MYH7B: variants seen among roughly 807,000 people sequenced by gnomAD.
MYH7B encodes the protein myosin-7B.
In MYH7B, 205 loss-of-function variants were observed where a neutral mutation model predicts 234.5. The observed-to-expected ratio is 0.87, with a 90% confidence interval of 0.78 to 0.98. The LOEUF (loss-of-function observed/expected upper bound fraction) is 0.98. Ranked by LOEUF, MYH7B falls within the 50% of genes least tolerant of loss-of-function variation. MYH7B has a pLI of 0.00. For synonymous variants in MYH7B, 1,193 were observed against 1,105.0 expected (o/e 1.08, Z -1.58); for missense variants, 2,652 against 2,633.4 (o/e 1.01, Z -0.15).
chr20:34,961,602 T>A (rs2081698293), intron 2 of MYH7B, among the ~76,000 whole-genome samples: 1 of 152,328 alleles, frequency 6.6e-6, no homozygotes, highest in African/African-American at 2.4e-5. Flanking sequence ...CCAGAATATT[T>A]TCATCACCAC....
chr20:34,993,552 A>G, intron 26 of MYH7B, 82 bp downstream of exon 26: 1 of 1,364,402 alleles, frequency 7.3e-7, no homozygotes, highest in African/African-American at 1.5e-5. Flanking sequence ...CAACCCTAAC[A>G]TGCTGCCCTG....
intron 3 of MYH7B, among the ~76,000 whole-genome samples, chr20:34,977,269 A>G (rs545833308): frequency 5.9e-5 from 9 of 152,094 alleles, no homozygotes; most frequent in East Asian, 1.9e-4. Context: ...AGCTGGTCCA[A>G]TCTCAGTAGG....
At chr20:34,989,637 C>G in intron 19 of MYH7B, 103 bp from the exon 20 acceptor site, 1 of 1,170,922 alleles carries the variant, frequency 8.5e-7, no homozygotes, top group South Asian at 1.6e-5. Context: ...AGCTGGGGAT[C>G]TGGGAAGGCT....
exon 17 of MYH7B, chr20:34,987,626 G>A (rs774415161): frequency 3.7e-6 from 6 of 1,613,974 alleles, no homozygotes; most frequent in South Asian, 2.2e-5. Flanking sequence ...TTGCACCCCC[G>A]GGTGCGTGTA....
chr20:34,986,879 T>C lies in MYH7B; in HGVS notation c.905-7T>C, dbSNP rs1600437504. 2 of 1,612,014 alleles carry C rather than the reference T, an allele frequency of 1.2e-6. No individual in the cohort carries two copies. Among genetic ancestry groups the C allele is most frequent in the East Asian group, 2.2e-5 (1 of 44,868 alleles). Reference sequence around the variant, plus strand: ...CTGACCCTCCCTTCTCTGCCCTGTGTCCCCAGACATGCTGCTTCTGTCTAT... The same window carrying C: ...CTGACCCTCCCTTCTCTGCCCTGTGCCCCCAGACATGCTGCTTCTGTCTAT... On this transcript the variant is annotated splice_region_variant and splice_polypyrimidine_tract_variant and intron_variant, in intron 14 of 44. Coordinates refer to ENST00000262873, the Ensembl canonical transcript of MYH7B.
chr20:34,969,418 T>C (rs755658496), intron 2 of MYH7B, among the ~76,000 whole-genome samples: 10 of 152,128 alleles, frequency 6.6e-5, no homozygotes, highest in Admixed American at 2.0e-4. Flanking sequence ...CAAACACTGT[T>C]ACCAGCTTTC....
rs762426179 is a variant in MYH7B, at chr20:34,993,189, C to G, written c.2271C>G (p.Asp757Glu). The G allele has an allele frequency of 6.2e-7, 1 of 1,613,912 alleles. No homozygotes were observed. The highest frequency in any genetic ancestry group is 2.2e-5 in the East Asian group (1 of 44,894). Residue 757 changes from aspartate to glutamate, a missense_variant, in exon 25 of 45, where the codon GAC (aspartate) becomes GAG (glutamate). Around this residue, in one of 3 missense-constraint regions of MYH7B, gnomAD observed 2,279 missense variants for 2,211.4 expected, o/e 1.03. Transcript: ENST00000262873. ...CAGAGAAACTGCTGGGCTCGCTGGACTTGGATCACACCCAGTACCAGTTTG... is the reference window on the plus strand; with the variant it reads ...CAGAGAAACTGCTGGGCTCGCTGGAGTTGGATCACACCCAGTACCAGTTTG...
chr20:34,985,545 C>T (rs545417682), intron 13 of MYH7B, among the ~76,000 whole-genome samples: 1 of 148,758 alleles, frequency 6.7e-6, no homozygotes, highest in African/African-American at 2.5e-5. Context: ...ACGTAGAGTG[C>T]CCCATCCTTC....
chr20:34,994,997 C>T (rs779277520), intron 27 of MYH7B, among the ~76,000 whole-genome samples: 2 of 152,134 alleles, frequency 1.3e-5, no homozygotes, highest in African/African-American at 4.8e-5. Context: ...TCCAGGAGCC[C>T]GTCCGTGGCT....
At chr20:34,979,880 G>C in intron 7 of MYH7B, 76 bp downstream of exon 7, 1 of 1,513,928 alleles carries the variant, frequency 6.6e-7, no homozygotes, top group African/African-American at 1.4e-5. Context: ...TGCTGGGGGC[G>C]GGCCCATAGC....
Position 34,982,546 on chromosome 20 carries a change from C to A in MYH7B, c.615C>A (p.Gly205=), listed in dbSNP as rs750040360. 8.1e-6 allele frequency: 13 copies of A among 1,605,146 alleles called. No homozygotes were observed. The South Asian group carries it at 1.4e-4, about 18-fold the overall frequency. Residue 205 remains glycine, a synonymous_variant, in exon 10 of 45, where the codon GGC becomes GGA. Coordinates refer to ENST00000262873, the Ensembl canonical transcript of MYH7B. Reference sequence around the variant, plus strand: ...TCGCTGCCCTGGGAGACGGGCCGGGCAAGAAGGCCGTAAGACTTGCCCACT... The same window carrying A: ...TCGCTGCCCTGGGAGACGGGCCGGGAAAGAAGGCCGTAAGACTTGCCCACT...
At chr20:34,986,956 C>G in exon 15 of MYH7B, 1 of 1,614,078 alleles carries the variant, frequency 6.2e-7, no homozygotes, top group Non-Finnish European at 8.5e-7. Context: ...CCGTGGACAA[C>G]ATGAATGATG....
At chr20:34,972,101 C>A (rs1488687001) in intron 2 of MYH7B, among the ~76,000 whole-genome samples, 5 of 152,200 alleles carry the variant, frequency 3.3e-5, no homozygotes, top group African/African-American at 1.2e-4. Context: ...CCTCCCCTGC[C>A]CCTTCCAAGC....
chr20:34,989,857 C>G (rs747363710), exon 20 of MYH7B: 14 of 1,614,232 alleles, frequency 8.7e-6, no homozygotes, highest in Admixed American at 5.0e-5. Flanking sequence ...TTTCCAGCAG[C>G]CTCGGCCTGA....
chr20:34,997,483 C>T (rs755812021), exon 32 of MYH7B: 22 of 1,543,638 alleles, frequency 1.4e-5, no homozygotes, highest in East Asian at 2.5e-5. Flanking sequence ...GCCACAGTGG[C>T]GGCACTGCGG....
exon 40 of MYH7B, chr20:35,000,825 G>T: frequency 1.2e-6 from 2 of 1,613,842 alleles, no homozygotes. Context: ...CCAGCTGAGC[G>T]GGGAGGTGGA....
chr20:34,970,647 T>C (rs564477701), intron 2 of MYH7B, among the ~76,000 whole-genome samples: 1 of 152,316 alleles, frequency 6.6e-6, no homozygotes, highest in Admixed American at 6.5e-5. Context: ...ACAGCTGCTG[T>C]CACTTGTCCC....
intron 12 of MYH7B, 41 bp from the exon 13 acceptor site, chr20:34,985,025 T>C: frequency 3.1e-6 from 5 of 1,612,496 alleles, no homozygotes; most frequent in Non-Finnish European, 4.2e-6. Context: ...GGGACAGTGC[T>C]GGCTGTGCCC....
At position 35,000,878 on chromosome 20, in the gene MYH7B, A is replaced by G. The variant is rs752672085; in HGVS notation, c.5289A>G (p.Lys1763=). Residue 1763 remains lysine, a synonymous_variant, in exon 40 of 45, where the codon AAA becomes AAG. Transcript: ENST00000262873. The stretch of plus-strand genomic sequence containing the variant: ...GGCGGGAGGCTGAGGAGAAGGCCAA[A>G]AAGGCCATCACTGATGTGAGGCTGG... 1.9e-6 allele frequency: 3 copies of G among 1,613,042 alleles called. No homozygotes were observed. The South Asian group carries it at 3.3e-5, about 18-fold the overall frequency.
Sources: allele counts gnomAD v4.1 joint callset (sites outside exome capture counted in the v4.1 genomes callset), GRCh38; gene constraint gnomAD v4.1.1; regional missense constraint gnomAD v4.1.1; transcripts MANE v1.5; gene names NCBI Gene and HGNC (gene_info 2026-07-23, HGNC 2026-07-21).